The following RAB3C variants were observed in gnomAD, a reference collection of about 807,000 sequenced individuals.
RAB3C encodes the protein ras-related protein Rab-3C.
Under a neutral mutation model 26.4 loss-of-function variants are expected in RAB3C, and 17 were observed. That is an observed-to-expected ratio of 0.64 (90% CI 0.44 to 0.97). RAB3C has a LOEUF of 0.97. Ranked by LOEUF, RAB3C falls within the 50% of genes least tolerant of loss-of-function variation. RAB3C has a pLI of 0.00. For missense variants in RAB3C, 242 were observed against 281.9 expected, an observed-to-expected ratio of 0.86 and a Z score of 1.01; for synonymous variants, 91 against 95.9, an observed-to-expected ratio of 0.95 and a Z score of 0.30.
chr5:58,777,005 A>G (rs1742157492), intron 3 of RAB3C, among the ~76,000 whole-genome samples: 1 of 152,190 alleles, frequency 6.6e-6, no homozygotes, highest in African/African-American at 2.4e-5. Context: ...AAAAGAAGAA[A>G]TAAGAATATT....
chr5:58,672,827 A>C (rs1399940470), intron 2 of RAB3C, among the ~76,000 whole-genome samples: 1 of 152,126 alleles, frequency 6.6e-6, no homozygotes, highest in African/African-American at 2.4e-5. Context: ...AACATAACCT[A>C]CTTAGTTTCG....
chr5:58,853,857 A>T lies in RAB3C; in HGVS notation c.*2506A>T, dbSNP rs1561154041. The stretch of plus-strand genomic sequence containing the variant: ...TTCCAGAGAAACAGTCACAGAGCTC[A>T]AGAGAAAGAACACTTAAATGCTCCT... On this transcript the variant is annotated 3_prime_UTR_variant, in exon 5 of 5. Coordinates refer to ENST00000282878, the MANE Select transcript of RAB3C (RefSeq NM_138453.4). The T allele has an allele frequency of 1.3e-5, 2 of 152,150 alleles. No homozygotes were observed. 9.4% of individuals were successfully genotyped at this position (152,150 alleles called of 1,614,324 possible). A position where few individuals can be genotyped will look rare whatever the true frequency, so the allele number is the denominator to read the frequency against.
intron 2 of RAB3C, among the ~76,000 whole-genome samples, chr5:58,699,137 C>T (rs978078506): frequency 3.3e-5 from 5 of 152,064 alleles, no homozygotes; most frequent in South Asian, 2.1e-4. Flanking sequence ...TTGTTGATGT[C>T]GATGCTATTC....
intron 3 of RAB3C, among the ~76,000 whole-genome samples, chr5:58,783,460 T>A (rs1158841505): frequency 1.3e-5 from 2 of 152,192 alleles, no homozygotes; most frequent in Non-Finnish European, 2.9e-5. Flanking sequence ...ATAGATTGTA[T>A]TTTCTTCCAA....
At chr5:58,833,402 A>G (rs1417252292) in intron 4 of RAB3C, among the ~76,000 whole-genome samples, 1 of 151,848 alleles carries the variant, frequency 6.6e-6, no homozygotes, top group Non-Finnish European at 1.5e-5. Flanking sequence ...AGGTACAAAC[A>G]TGAGTGTTTT....
chr5:58,720,183 A>T (rs192168397), intron 2 of RAB3C, among the ~76,000 whole-genome samples: 1 of 152,070 alleles, frequency 6.6e-6, no homozygotes, highest in East Asian at 1.9e-4. Flanking sequence ...ATGTTTCATT[A>T]CTAATGGTTA....
rs1345640 is a variant in RAB3C at position 58,773,062 on chromosome 5, T to A, written c.371+46942T>A. On this transcript the variant is annotated intron_variant, in intron 3 of 4. Coordinates refer to ENST00000282878, the MANE Select transcript of RAB3C (RefSeq NM_138453.4). ...GAGAGCAATAGACACACACTATGTA[T>A]CTGGGAAAGTAGTCATAAAGATTTC... Among the ~76,000 whole-genome samples the A allele has an allele frequency of 5.5e-3, 838 of 152,216 alleles. 13 individuals are homozygous for A. Among genetic ancestry groups the A allele is most frequent in the African/African-American group, 0.019 (793 of 41,536 alleles).
At chr5:58,732,057 T>C (rs1027831385) in intron 3 of RAB3C, among the ~76,000 whole-genome samples, 3 of 143,600 alleles carry the variant, frequency 2.1e-5, no homozygotes, top group African/African-American at 7.4e-5. Flanking sequence ...AGGTGTCTTA[T>C]AGAGAATTTT....
intron 2 of RAB3C, among the ~76,000 whole-genome samples, chr5:58,635,819 G>A (rs557862821): frequency 7.7e-4 from 117 of 152,270 alleles, no homozygotes; most frequent in Non-Finnish European, 1.5e-3. Flanking sequence ...GTGCTCAGGA[G>A]GGAAGAGTTC....
At chr5:58,792,031 A>T (rs1742534268) in intron 3 of RAB3C, among the ~76,000 whole-genome samples, 2 of 152,264 alleles carry the variant, frequency 1.3e-5, no homozygotes, top group African/African-American at 4.8e-5. Context: ...ATGCAAATGA[A>T]ATAGCAAGTA....
chr5:58,806,400 G>A (rs1330653371), intron 3 of RAB3C, among the ~76,000 whole-genome samples: 1 of 152,266 alleles, frequency 6.6e-6, no homozygotes. Context: ...TTTAGGGTGA[G>A]AGGAGGAAGA....
At chr5:58,831,800 G>T (rs890676763) in intron 4 of RAB3C, among the ~76,000 whole-genome samples, 4 of 152,032 alleles carry the variant, frequency 2.6e-5, no homozygotes, top group Non-Finnish European at 5.9e-5. Flanking sequence ...AAAACCCAAG[G>T]CGGGGACAAG....
In RAB3C at chr5:58,789,317, G is replaced by A. The variant is rs1005051986; in HGVS notation, c.372-35721G>A. Among the ~76,000 whole-genome samples the A allele has an allele frequency of 3.3e-5, 5 of 152,116 alleles. No homozygotes were observed. In the South Asian group the frequency reaches 8.3e-4, roughly 25 times the overall value. ...ATGACAGAAGCTTGAGATATAGTGC[G>A]TATATCTACTCAGGCATGGCTGTAG... On this transcript the variant is annotated intron_variant, in intron 3 of 4. Coordinates refer to ENST00000282878, the MANE Select transcript of RAB3C (RefSeq NM_138453.4).
chr5:58,693,858 G>C (rs964295702), intron 2 of RAB3C, among the ~76,000 whole-genome samples: 3 of 152,080 alleles, frequency 2.0e-5, no homozygotes, highest in African/African-American at 7.2e-5. Flanking sequence ...GGCATCTGGG[G>C]GCTTTCCTGG....
At chr5:58,595,322 C>A (rs1746223205) in intron 1 of RAB3C, among the ~76,000 whole-genome samples, 1 of 152,312 alleles carries the variant, frequency 6.6e-6, no homozygotes, top group African/African-American at 2.4e-5. Flanking sequence ...CTTGACTGGG[C>A]AGACTGGGCA....
At chr5:58,791,707 G>A (rs770646448) in intron 3 of RAB3C, among the ~76,000 whole-genome samples, 4 of 152,166 alleles carry the variant, frequency 2.6e-5, no homozygotes, top group Non-Finnish European at 5.9e-5. Context: ...AAAAGAGACT[G>A]TATCATTCAG....
At chr5:58,600,010 T>G (rs1217495042) in intron 1 of RAB3C, among the ~76,000 whole-genome samples, 1 of 152,216 alleles carries the variant, frequency 6.6e-6, no homozygotes, top group Non-Finnish European at 1.5e-5. Context: ...TAATCCATCT[T>G]CAGTTGATTT....
intron 1 of RAB3C, among the ~76,000 whole-genome samples, chr5:58,609,720 A>G (rs1746656687): frequency 6.6e-6 from 1 of 152,142 alleles, no homozygotes; most frequent in Non-Finnish European, 1.5e-5. Context: ...TTGGCATACT[A>G]TTGTATACAT....
intron 1 of RAB3C, among the ~76,000 whole-genome samples, chr5:58,592,733 C>T (rs920180567): frequency 4.6e-5 from 7 of 151,968 alleles, no homozygotes; most frequent in South Asian, 2.1e-4. Context: ...TATGCTGTTT[C>T]GTTGTCTGCT....
Sources: gnomAD v4.1 joint callset for allele counts (sites outside exome capture counted in the v4.1 genomes callset) on GRCh38, gnomAD v4.1.1 for gene constraint, MANE v1.5 for transcripts, NCBI Gene and HGNC (gene_info 2026-07-23, HGNC 2026-07-21) for gene names.